ALPL: variants seen among roughly 807,000 people sequenced by gnomAD.
ALPL encodes the protein alkaline phosphatase, biomineralization associated.
ALPL carries 42 observed loss-of-function variants against 51.3 expected under a neutral mutation model. The observed-to-expected ratio is 0.82, with a 90% CI of 0.64 to 1.06. ALPL has a LOEUF of 1.06. ALPL is among the 50% of genes least tolerant of loss of function. The probability of loss-of-function intolerance (pLI) is 0.00; values close to 1 mark genes in which losing one functional copy is unlikely to be tolerated. For synonymous variants in ALPL, 279 were observed against 296.4 expected (o/e 0.94, Z 0.60); for missense variants, 589 against 709.4 (o/e 0.83, Z 1.93).
chr1:21,546,509 C>T (rs12141569), intron 1 of ALPL, among the ~76,000 whole-genome samples: 86,940 of 152,002 alleles, frequency 0.57, 25,328 homozygotes, highest in East Asian at 0.83. Context: ...CCTGACTTCA[C>T]AGGATGTTTT....
chr1:21,525,698 T>A (rs568988062), intron 1 of ALPL, among the ~76,000 whole-genome samples: 59 of 149,730 alleles, frequency 3.9e-4, no homozygotes, highest in African/African-American at 1.3e-3. Flanking sequence ...CTTCAAAGAG[T>A]GTGTGTAGGC....
chr1:21,554,100 GTAC>G lies in ALPL; in HGVS notation c.21_23del (p.Leu8del). 1.9e-6 allele frequency: 3 copies of G among 1,573,096 alleles called. No homozygotes were observed. Among genetic ancestry groups the G allele is most frequent in the Non-Finnish European group, 2.6e-6 (3 of 1,154,354 alleles). On this transcript the variant is annotated inframe_deletion, in exon 2 of 12. Coordinates refer to ENST00000374840, the MANE Select transcript of ALPL (RefSeq NM_000478.6). ...GTGCACCATGATTTCACCATTCTTAGTACTGGCCATTGGCACCTGCCTTACTAA... is the reference window on the plus strand; with the variant it reads ...GTGCACCATGATTTCACCATTCTTAGTGGCCATTGGCACCTGCCTTACTAA...
chr1:21,565,372 C>T (rs1406086153), intron 6 of ALPL, among the ~76,000 whole-genome samples: 1 of 152,200 alleles, frequency 6.6e-6, no homozygotes, highest in African/African-American at 2.4e-5. Context: ...TCCTTCCCCT[C>T]CCTATGCCTC....
chr1:21,549,587 C>A (rs1028772477), intron 1 of ALPL, among the ~76,000 whole-genome samples: 1 of 151,930 alleles, frequency 6.6e-6, no homozygotes, highest in African/African-American at 2.4e-5. Flanking sequence ...GATTCTCCTG[C>A]CTCAGCCTCT....
chr1:21,559,749 A>G (rs1384472667), intron 2 of ALPL, among the ~76,000 whole-genome samples: 1 of 152,132 alleles, frequency 6.6e-6, no homozygotes, highest in Non-Finnish European at 1.5e-5. Flanking sequence ...CGAACTCCTG[A>G]GCTCAGGTGA....
chr1:21,570,788 C>T (rs1293654882), intron 8 of ALPL, among the ~76,000 whole-genome samples: 2 of 152,180 alleles, frequency 1.3e-5, no homozygotes, highest in African/African-American at 4.8e-5. Flanking sequence ...CTCTGCCCAT[C>T]CTGACGATTG....
chr1:21,533,659 G>A (rs1644058938), intron 1 of ALPL, among the ~76,000 whole-genome samples: 2 of 152,084 alleles, frequency 1.3e-5, no homozygotes, highest in Admixed American at 6.5e-5. Flanking sequence ...GGTGGCTCAC[G>A]CCTGTAATCC....
At chr1:21,524,105 G>A (rs1558528701) in intron 1 of ALPL, among the ~76,000 whole-genome samples, 1 of 144,680 alleles carries the variant, frequency 6.9e-6, no homozygotes, top group Admixed American at 7.4e-5. Flanking sequence ...CCAGGTTCAA[G>A]CAATTCTCCT....
intron 1 of ALPL, among the ~76,000 whole-genome samples, chr1:21,529,250 T>G (rs1643996929): frequency 6.6e-6 from 1 of 151,824 alleles, no homozygotes; most frequent in Admixed American, 6.6e-5. Flanking sequence ...TTTCTTTCAA[T>G]GTTCTGTTTC....
chr1:21,561,001 T>C (rs1570269227), intron 3 of ALPL, 96 bp from the exon 4 acceptor site: 19 of 1,218,714 alleles, frequency 1.6e-5, no homozygotes, highest in Non-Finnish European at 2.1e-5. Flanking sequence ...TGCCCGAGCC[T>C]GCCTTGGTAC....
chr1:21,568,034 CA>C, intron 6 of ALPL, 69 bp from the exon 7 acceptor site: 1 of 1,609,892 alleles, frequency 6.2e-7, no homozygotes, highest in Middle Eastern at 1.7e-4. Context: ...GTCCAGGTTC[CA>C]AGCCGAGGTC....
rs1014775462 is a variant in ALPL at position 21,576,433 on chromosome 1, T to C, written c.1190-89T>C. The C allele has an allele frequency of 6.4e-6, 10 of 1,552,816 alleles. No individual in the cohort carries two copies. The African/African-American group carries it at 1.2e-4, about 19-fold the overall frequency. On this transcript the variant is annotated intron_variant, in intron 10 of 11. Coordinates refer to ENST00000374840, the MANE Select transcript of ALPL (RefSeq NM_000478.6). Reference sequence around the variant, plus strand: ...GCCCTTCAAAGAAGATCCCAGGGGTTACCAAGCCACCAAGGAGCCTAATCT... The same window carrying C: ...GCCCTTCAAAGAAGATCCCAGGGGTCACCAAGCCACCAAGGAGCCTAATCT...
chr1:21,541,846 G>A (rs562663344), intron 1 of ALPL, among the ~76,000 whole-genome samples: 1 of 152,308 alleles, frequency 6.6e-6, no homozygotes, highest in South Asian at 2.1e-4. Flanking sequence ...AAGCCCTAAA[G>A]ATGCAGTGGC....
chr1:21,533,719 G>A (rs1468244583), intron 1 of ALPL, among the ~76,000 whole-genome samples: 2 of 152,028 alleles, frequency 1.3e-5, no homozygotes, highest in South Asian at 4.2e-4. Context: ...TCAGGAGTTC[G>A]AGATCAGCCT....
chr1:21,573,041 T>C (rs1306581638), intron 8 of ALPL, among the ~76,000 whole-genome samples: 4 of 152,220 alleles, frequency 2.6e-5, no homozygotes, highest in Non-Finnish European at 4.4e-5. Flanking sequence ...ACTTCTCAGC[T>C]GACAATAGCA....
At chr1:21,576,491 C>A in intron 10 of ALPL, 31 bp from the exon 11 acceptor site, 1 of 1,611,342 alleles carries the variant, frequency 6.2e-7, no homozygotes, top group East Asian at 2.2e-5. Context: ...GGGGCCCCAG[C>A]ATGACCCCTG....
At chr1:21,534,352 A>C (rs1349778893) in intron 1 of ALPL, among the ~76,000 whole-genome samples, 1 of 152,244 alleles carries the variant, frequency 6.6e-6, no homozygotes, top group Non-Finnish European at 1.5e-5. Context: ...ATGTGGGCTT[A>C]GTGATAAGCC....
Position 21,577,573 on chromosome 1 carries a change from C to T in ALPL, c.1500C>T (p.Ala500=). 1.2e-6 allele frequency: 2 copies of T among 1,603,444 alleles called. No homozygotes were observed. The highest frequency in any genetic ancestry group is 1.7e-6 in the Non-Finnish European group (2 of 1,179,804). The change falls in exon 12 of 12, where the codon GCC becomes GCT. Residue 500 remains alanine, a synonymous_variant. Coordinates refer to ENST00000374840, the MANE Select transcript of ALPL (RefSeq NM_000478.6). ...IGANLGHCAP[A]SSAGSLAAGP... is the part of the protein sequence containing the mutation. ...CCAACCTCGGCCACTGTGCTCCTGCCAGCTCGGCAGGCAGCCTTGCTGCAG... is the reference window on the plus strand; with the variant it reads ...CCAACCTCGGCCACTGTGCTCCTGCTAGCTCGGCAGGCAGCCTTGCTGCAG...
chr1:21,520,838 T>C (rs1352379604), intron 1 of ALPL, among the ~76,000 whole-genome samples: 1 of 152,170 alleles, frequency 6.6e-6, no homozygotes, highest in Non-Finnish European at 1.5e-5. Flanking sequence ...AGACTGAGGC[T>C]TGGGGAGGCA....
Sources: gnomAD v4.1 joint callset for allele counts (sites outside exome capture counted in the v4.1 genomes callset) on GRCh38, gnomAD v4.1.1 for gene constraint, MANE v1.5 for transcripts, NCBI Gene and HGNC (gene_info 2026-07-23, HGNC 2026-07-21) for gene names.